The following ZYG11A variants were observed in gnomAD, a reference collection of about 807,000 sequenced individuals.
ZYG11A encodes protein zyg-11 homolog A.
Under a neutral mutation model 77.2 loss-of-function variants are expected in ZYG11A, and 62 were observed. That is an observed-to-expected ratio of 0.80 (90% CI 0.65 to 0.99). ZYG11A has a LOEUF of 0.99. ZYG11A is among the 50% of genes least tolerant of loss of function. The probability of loss-of-function intolerance (pLI) is 0.00; values close to 1 mark genes in which losing one functional copy is unlikely to be tolerated. For synonymous variants in ZYG11A, 315 were observed against 324.6 expected (o/e 0.97, Z 0.32); for missense variants, 828 against 896.8 (o/e 0.92, Z 0.98).
At chr1:52,869,064 T>C (rs1221863073) in intron 8 of ZYG11A, among the ~76,000 whole-genome samples, 3 of 152,118 alleles carry the variant, frequency 2.0e-5, no homozygotes, top group Non-Finnish European at 2.9e-5. Flanking sequence ...CCTGACCTTG[T>C]GATCCACCTG....
At chr1:52,869,938 A>G (rs112748545) in intron 8 of ZYG11A, among the ~76,000 whole-genome samples, 48,159 of 113,950 alleles carry the variant, frequency 0.42, 11,575 homozygotes, top group Non-Finnish European at 0.53. Context: ...CCTCCCAGAC[A>G]GGGTGGCTGG....
In ZYG11A at chr1:52,857,578, G is replaced by C; in HGVS notation, c.837G>C (p.Gln279His). 1 of 1,551,988 alleles carries C rather than the reference G, an allele frequency of 6.4e-7. No individual in the cohort carries two copies. The highest frequency in any genetic ancestry group is 8.7e-7 in the Non-Finnish European group (1 of 1,147,062). The part of the protein sequence containing the change: ...LKSDLAFHLL[Q>H]QKDILPNVVS... ...CAGACCTAGCTTTTCATTTGCTACA[G>C]CAGAAGGATATCCTGCCCAATGTTG... Residue 279 changes from glutamine (Q) to histidine (H), a missense_variant, in exon 3 of 14, where the codon CAG (glutamine) becomes CAC (histidine). Coordinates refer to ENST00000371528, the MANE Select transcript of ZYG11A (RefSeq NM_001004339.3).
At chr1:52,861,227 T>C (rs908104871) in intron 4 of ZYG11A, among the ~76,000 whole-genome samples, 3 of 152,226 alleles carry the variant, frequency 2.0e-5, no homozygotes, top group Non-Finnish European at 4.4e-5. Flanking sequence ...TTTATCGATA[T>C]AGCCAAACTT....
intron 10 of ZYG11A, among the ~76,000 whole-genome samples, chr1:52,881,026 CCTGA>C (rs1362628634): frequency 2.0e-5 from 3 of 152,164 alleles, no homozygotes; most frequent in Non-Finnish European, 2.9e-5. Flanking sequence ...TAAAATACTG[CCTGA>C]CTTTCATTGT....
In ZYG11A at chr1:52,866,525, C is replaced by A; in HGVS notation, c.1349C>A (p.Ser450Tyr). Reference sequence around the variant, plus strand: ...AAGTTACAGAAGAATTGTCTTCTCTCCTTAACCAATTCCAGGATTCTTGTG... The same window carrying A: ...AAGTTACAGAAGAATTGTCTTCTCTACTTAACCAATTCCAGGATTCTTGTG... ...YQQLQKNCLL[S>Y]LTNSRILVDV... The change falls in exon 6 of 14, where the codon TCC becomes TAC. Residue 450 changes from serine (S) to tyrosine (Y), a missense_variant. By Grantham distance (144) the Ser-to-Tyr change is moderately radical. Coordinates refer to ENST00000371528, the MANE Select transcript of ZYG11A (RefSeq NM_001004339.3). 1 of 1,538,284 alleles carries A rather than the reference C, an allele frequency of 6.5e-7. No individual in the cohort carries two copies. The highest frequency in any genetic ancestry group is 8.8e-7 in the Non-Finnish European group (1 of 1,135,360).
chr1:52,873,953 C>T (rs937527956), intron 8 of ZYG11A, among the ~76,000 whole-genome samples: 2 of 151,428 alleles, frequency 1.3e-5, no homozygotes, highest in Non-Finnish European at 2.9e-5. Flanking sequence ...CACTGCACTC[C>T]AGCCTGGGCA....
chr1:52,869,486 C>T (rs1355079943), intron 8 of ZYG11A, among the ~76,000 whole-genome samples: 1 of 151,694 alleles, frequency 6.6e-6, no homozygotes, highest in Non-Finnish European at 1.5e-5. Flanking sequence ...TTTAGCAAAG[C>T]ACATCTTGCA....
intron 11 of ZYG11A, among the ~76,000 whole-genome samples, chr1:52,885,217 C>T (rs1028374692): frequency 1.3e-5 from 2 of 151,302 alleles, no homozygotes; most frequent in Non-Finnish European, 2.9e-5. Flanking sequence ...CCCACTCCTC[C>T]TATTTACAGC....
At chr1:52,877,648 C>T (rs1357768842) in intron 8 of ZYG11A, 34 bp from the exon 9 acceptor site, 2 of 1,517,012 alleles carry the variant, frequency 1.3e-6, no homozygotes, top group Admixed American at 4.4e-5. Flanking sequence ...TTCATTAGAG[C>T]ATCTAACTCC....
chr1:52,861,959 A>G (rs896156601), intron 4 of ZYG11A, among the ~76,000 whole-genome samples: 2 of 152,084 alleles, frequency 1.3e-5, no homozygotes, highest in Admixed American at 1.3e-4. Context: ...CTGTAATCCC[A>G]GCACTTTTTG....
intron 1 of ZYG11A, among the ~76,000 whole-genome samples, chr1:52,853,113 A>C (rs1340232549): frequency 6.6e-6 from 1 of 152,252 alleles, no homozygotes; most frequent in Non-Finnish European, 1.5e-5. Flanking sequence ...CATAGTGTTC[A>C]AGAAGATATC....
intron 10 of ZYG11A, among the ~76,000 whole-genome samples, chr1:52,879,793 G>A (rs888589656): frequency 3.5e-5 from 4 of 113,470 alleles, no homozygotes; most frequent in East Asian, 2.4e-4. Context: ...TTTTTGTCTC[G>A]CTCTTGTCAC....
intron 5 of ZYG11A, among the ~76,000 whole-genome samples, chr1:52,866,124 AGACG>A (rs1646022272): frequency 6.6e-6 from 1 of 151,828 alleles, no homozygotes; most frequent in African/African-American, 2.4e-5. Context: ...TTTTTAGTAG[AGACG>A]GGGTTTCACT....
intron 10 of ZYG11A, among the ~76,000 whole-genome samples, chr1:52,878,949 CAAAAAAAAAAAAAAA>C (rs914463472): frequency 7.3e-5 from 2 of 27,274 alleles, no homozygotes; most frequent in Non-Finnish European, 1.9e-4. Context: ...AAACTCTGCT[CAAAAAAAAAAAAAAA>C]AAAAAAAAAA....
rs547662641 is a variant in ZYG11A at position 52,875,154 on chromosome 1, C to T, written c.1543-2528C>T. Among the ~76,000 whole-genome samples, 8 of 152,238 alleles carry T rather than the reference C, an allele frequency of 5.3e-5. No homozygotes were observed. The East Asian group carries it at 1.5e-3, about 29-fold the overall frequency. The stretch of plus-strand genomic sequence containing the variant: ...AATGTTTCAGGAAAAATTGGGCCAT[C>T]ATATCAAATACTACTGAGTGGTTGA... On this transcript the variant is annotated intron_variant, in intron 8 of 13. Coordinates refer to ENST00000371528, the MANE Select transcript of ZYG11A (RefSeq NM_001004339.3).
intron 1 of ZYG11A, among the ~76,000 whole-genome samples, chr1:52,847,111 A>G (rs1215284466): frequency 6.6e-6 from 1 of 151,744 alleles, no homozygotes; most frequent in Non-Finnish European, 1.5e-5. Context: ...CCCAGGCTGG[A>G]GTGCGGTGGC....
rs60756718 is a variant in ZYG11A at position 52,859,667 on chromosome 1, C to CTTT, written c.1009-1038_1009-1036dup. 2.1e-4 allele frequency among the ~76,000 whole-genome samples: 9 copies of CTTT among 42,940 alleles called. 3 individuals carry two copies. The highest frequency in any genetic ancestry group is 1.7e-3 in the East Asian group (4 of 2,370). The allele number at this position is 42,940 out of a possible 152,430, so 28.2% of individuals were successfully genotyped here. A position where few individuals can be genotyped will look rare whatever the true frequency, so the allele number is the denominator to read the frequency against. On this transcript the variant is annotated intron_variant, in intron 3 of 13. Transcript: ENST00000371528. Reference sequence around the variant, plus strand: ...TTATTTTTATCTGTTTGTGTATTGCCTTTTTTTTTTTTTTTTTTTTTTTTT... The same window carrying CTTT: ...TTATTTTTATCTGTTTGTGTATTGCCTTTTTTTTTTTTTTTTTTTTTTTTTTTT...
chr1:52,881,657 C>G lies in ZYG11A; in HGVS notation c.1936C>G (p.Gln646Glu). The G allele has an allele frequency of 1.3e-6, 2 of 1,549,900 alleles. No individual in the cohort carries two copies. The highest frequency in any genetic ancestry group is 4.9e-5 in the East Asian group (2 of 40,890). The change falls in exon 11 of 14, where the codon CAA becomes GAA. Residue 646 changes from glutamine (Q) to glutamate (E), a missense_variant. By Grantham distance (29) the Gln-to-Glu change is conservative. Coordinates refer to ENST00000371528, the MANE Select transcript of ZYG11A (RefSeq NM_001004339.3). ...SRDFQRRTLL[Q>E]DLHATIQNWP... ...TGACTTCCAGAGGCGTACTCTTCTC[C>G]AAGATCTGGTACAGGAACCACATTC...
chr1:52,842,829 C>T lies in ZYG11A; in HGVS notation c.-55C>T. 6.7e-7 allele frequency: 1 copy of T among 1,498,354 alleles called. No homozygotes were observed. Among genetic ancestry groups the T allele is most frequent in the Non-Finnish European group, 9.0e-7 (1 of 1,114,372 alleles). 92.8% of individuals were successfully genotyped at this position (1,498,354 alleles called of 1,614,324 possible). On this transcript the variant is annotated 5_prime_UTR_variant, in exon 1 of 14. Transcript: ENST00000371528. ...GCCGCCCGCTTGGTTCTCGCGGGAT[C>T]CGGGCTCCGGCTCGACGCCGGCTCT...
Sources: gnomAD v4.1 joint callset for allele counts (sites outside exome capture counted in the v4.1 genomes callset) on GRCh38, gnomAD v4.1.1 for gene constraint, MANE v1.5 for transcripts, NCBI Gene and HGNC (gene_info 2026-07-23, HGNC 2026-07-21) for gene names.